Variants in ZBBX observed in about 807,000 individuals in gnomAD.
ZBBX encodes zinc finger B-box domain-containing protein 1.
In ZBBX, 101 loss-of-function variants were observed where a neutral mutation model predicts 108.5. The ratio of observed to expected loss-of-function variants is 0.93; its 90% CI spans 0.79 to 1.10. The LOEUF is 1.10. Ranked by LOEUF, ZBBX falls within the 50% of genes least tolerant of loss-of-function variation. The probability of loss-of-function intolerance (pLI) is 0.00; values close to 1 mark genes in which losing one functional copy is unlikely to be tolerated. For synonymous variants in ZBBX, 356 were observed against 323.4 expected (o/e 1.10, Z -1.08); for missense variants, 1,009 against 941.4 (o/e 1.07, Z -0.94).
rs1745260019 is a variant in ZBBX at position 167,365,985 on chromosome 3, T to C, written c.183-9A>G. 1.9e-6 allele frequency: 3 copies of C among 1,579,622 alleles called. No individual in the cohort carries two copies. Among genetic ancestry groups the C allele is most frequent in the African/African-American group, 1.4e-5 (1 of 74,068 alleles). On this transcript the variant is annotated splice_polypyrimidine_tract_variant and intron_variant, in intron 5 of 21. Coordinates refer to ENST00000675490, the MANE Select transcript of ZBBX (RefSeq NM_001199201.2). ...AGTAATACTCGCTTGACCTTTAATATATATAAACAAGATAAAATGTAATCA... is the reference window on the plus strand; with the variant it reads ...AGTAATACTCGCTTGACCTTTAATACATATAAACAAGATAAAATGTAATCA...
intron 18 of ZBBX, among the ~76,000 whole-genome samples, chr3:167,296,359 C>T (rs1366377833): frequency 6.6e-6 from 1 of 151,960 alleles, no homozygotes; most frequent in Non-Finnish European, 1.5e-5. Context: ...CCTGCTTTTG[C>T]TACTTCTATT....
intron 1 of ZBBX, among the ~76,000 whole-genome samples, chr3:167,396,261 C>T (rs1748232998): frequency 2.0e-5 from 3 of 151,998 alleles, no homozygotes; most frequent in Non-Finnish European, 4.4e-5. Context: ...CTACTCCTAC[C>T]TGGGTTCTGT....
intron 9 of ZBBX, among the ~76,000 whole-genome samples, chr3:167,346,837 CA>C (rs1477783592): frequency 3.3e-5 from 5 of 151,324 alleles, no homozygotes; most frequent in African/African-American, 4.9e-5. Context: ...AACAATAAGA[CA>C]AAAAAGCATG....
intron 20 of ZBBX, among the ~76,000 whole-genome samples, chr3:167,278,406 G>C (rs1728093102): frequency 1.4e-5 from 2 of 142,756 alleles, no homozygotes; most frequent in African/African-American, 5.3e-5. Flanking sequence ...AATAAAAAAT[G>C]ATAAAGGGGA....
At chr3:167,265,769 G>C (rs777262416) in intron 20 of ZBBX, among the ~76,000 whole-genome samples, 13 of 152,230 alleles carry the variant, frequency 8.5e-5, no homozygotes, top group Non-Finnish European at 1.6e-4. Context: ...CTGACCGCTG[G>C]AATGGATGAT....
intron 20 of ZBBX, among the ~76,000 whole-genome samples, chr3:167,271,784 G>A (rs1560051693): frequency 1.3e-5 from 2 of 152,166 alleles, no homozygotes; most frequent in African/African-American, 2.4e-5. Flanking sequence ...GTGACTACAC[G>A]GAAATGCCCC....
the ZBBX span, among the ~76,000 whole-genome samples, chr3:167,204,510 C>A: frequency 1.4e-5 from 2 of 147,094 alleles, no homozygotes; most frequent in Admixed American, 6.9e-5. Flanking sequence ...TTTGTTCTTG[C>A]GATAGTTTAC....
At chr3:167,190,141 T>C in the ZBBX span, among the ~76,000 whole-genome samples, 1 of 152,286 alleles carries the variant, frequency 6.6e-6, no homozygotes, top group Non-Finnish European at 1.5e-5. Flanking sequence ...ATGTCTTGTA[T>C]ATGCATATGT....
At chr3:167,236,325 T>C (rs1194166699), downstream of ZBBX, among the ~76,000 whole-genome samples, 1 of 151,792 alleles carries the variant, frequency 6.6e-6, no homozygotes, top group Non-Finnish European at 1.5e-5. Flanking sequence ...ATCACTTATG[T>C]CAACTTGCAC....
chr3:167,224,471 C>T, the ZBBX span, among the ~76,000 whole-genome samples: 202 of 151,754 alleles, frequency 1.3e-3, 2 homozygotes, highest in Non-Finnish European at 3.7e-4. Flanking sequence ...TAAGTGTTCT[C>T]AAAACAGTAT....
chr3:167,371,051 G>A (rs1349059094), intron 4 of ZBBX, among the ~76,000 whole-genome samples: 1 of 152,116 alleles, frequency 6.6e-6, no homozygotes, highest in Non-Finnish European at 1.5e-5. Context: ...TGTCCAAGGA[G>A]AACAGGCTTG....
At chr3:167,235,582 T>C (rs1388450598), downstream of ZBBX, among the ~76,000 whole-genome samples, 1 of 151,560 alleles carries the variant, frequency 6.6e-6, no homozygotes, top group Non-Finnish European at 1.5e-5. Context: ...TGATTCCTTC[T>C]GGCAGAAGAG....
chr3:167,244,438 C>CA (rs1721213828), intron 20 of ZBBX, among the ~76,000 whole-genome samples: 1 of 152,308 alleles, frequency 6.6e-6, no homozygotes, highest in Admixed American at 6.5e-5. Context: ...TATCCAAACT[C>CA]TATTATGCAT....
At chr3:167,323,094 A>AGTTT (rs1290495227) in intron 11 of ZBBX, among the ~76,000 whole-genome samples, 7 of 152,026 alleles carry the variant, frequency 4.6e-5, no homozygotes, top group Admixed American at 3.3e-4. Flanking sequence ...AATTGGAAAA[A>AGTTT]GTTTGGGAAA....
chr3:167,359,639 C>A (rs534432574), intron 8 of ZBBX, among the ~76,000 whole-genome samples: 1 of 152,030 alleles, frequency 6.6e-6, no homozygotes, highest in African/African-American at 2.4e-5. Context: ...AAGGTCTAAG[C>A]TGATGTCTTT....
intron 16 of ZBBX, 86 bp from the exon 17 acceptor site, chr3:167,306,036 A>G (rs1733588962): frequency 8.6e-7 from 1 of 1,165,408 alleles, no homozygotes; most frequent in African/African-American, 1.6e-5. Context: ...TTCTGTGGTA[A>G]AAAAACTTTC....
At chr3:167,357,045 A>G (rs1245834013) in intron 8 of ZBBX, among the ~76,000 whole-genome samples, 1 of 152,170 alleles carries the variant, frequency 6.6e-6, no homozygotes, top group African/African-American at 2.4e-5. Context: ...TTGAGTAGGT[A>G]GATTGAGCCA....
At chr3:167,231,061 A>G in the ZBBX span, among the ~76,000 whole-genome samples, 1 of 151,804 alleles carries the variant, frequency 6.6e-6, no homozygotes, top group African/African-American at 2.4e-5. Context: ...GCAATTAGGT[A>G]AATAGTGTTG....
chr3:167,213,415 G>A, the ZBBX span, among the ~76,000 whole-genome samples: 1 of 152,104 alleles, frequency 6.6e-6, no homozygotes, highest in East Asian at 1.9e-4. Context: ...AGTACTAACA[G>A]CAGAATAAAC....
Sources: gnomAD v4.1 joint callset for allele counts (sites outside exome capture counted in the v4.1 genomes callset) on GRCh38, gnomAD v4.1.1 for gene constraint, MANE v1.5 for transcripts, NCBI Gene and HGNC (gene_info 2026-07-23, HGNC 2026-07-21) for gene names.